The following MS4A3 variants were observed in gnomAD, a reference collection of about 807,000 sequenced individuals.
The protein encoded by MS4A3 is membrane-spanning 4-domains subfamily A member 3.
MS4A3 carries 18 observed loss-of-function variants against 24.7 expected under a neutral mutation model. The ratio of observed to expected loss-of-function variants is 0.73; its 90% CI spans 0.50 to 1.08. The LOEUF (loss-of-function observed/expected upper bound fraction) is 1.08, where lower values mean the gene tolerates loss of function less well. Ranked by LOEUF, MS4A3 falls within the 50% of genes least tolerant of loss-of-function variation. The pLI, the probability that MS4A3 is intolerant of heterozygous loss-of-function variation, is 0.00. For missense variants in MS4A3, 282 were observed against 251.7 expected (o/e 1.12, Z -0.82); for synonymous variants, 84 against 95.3 (o/e 0.88, Z 0.69).
Position 60,064,284 on chromosome 11 carries a change from C to A in MS4A3, c.317C>A (p.Ser106Tyr). The A allele has an allele frequency of 6.2e-7, 1 of 1,604,060 alleles. No homozygotes were observed. Among genetic ancestry groups the A allele is most frequent in the Admixed American group, 1.7e-5 (1 of 58,446 alleles). ...CAGTTCTGTAGTTCAGGAACCTTGT[C>A]TGTTGTAGCAGGGATAAAACCCACA... ...AVFFCSSGTLSVVAGIKPTRT... is the reference protein window; with the variant it reads ...AVFFCSSGTLYVVAGIKPTRT... The change falls in exon 4 of 7, where the codon TCT becomes TAT. Residue 106 changes from serine to tyrosine, a missense_variant. Ser to Tyr is a moderately radical substitution (Grantham distance 144). Transcript: ENST00000278865.
chr11:60,059,889 T>C (rs955312826), intron 1 of MS4A3, among the ~76,000 whole-genome samples: 2 of 152,198 alleles, frequency 1.3e-5, no homozygotes, highest in Admixed American at 6.5e-5. Flanking sequence ...TAAGATCTTA[T>C]TCTTAACCCA....
chr11:60,061,271 A>G lies in MS4A3; in HGVS notation c.111A>G (p.Ile37Met), dbSNP rs763792305. 2 of 1,613,578 alleles carry G rather than the reference A, an allele frequency of 1.2e-6. No individual in the cohort carries two copies. Among genetic ancestry groups the G allele is most frequent in the Admixed American group, 3.3e-5 (2 of 59,874 alleles). ...EELNTSVYQP[I>M]DGSPDYQKAK... ...TGAATACTTCTGTCTACCAGCCCAT[A>G]GATGGATCACCAGATTATCAGAAAG... The change falls in exon 2 of 7, where the codon ATA becomes ATG. Residue 37 changes from isoleucine to methionine, a missense_variant. Coordinates refer to ENST00000278865, the MANE Select transcript of MS4A3 (RefSeq NM_006138.5).
At chr11:60,067,134 A>G (rs755764433) in intron 5 of MS4A3, 22 bp downstream of exon 5, 7 of 1,562,644 alleles carry the variant, frequency 4.5e-6, no homozygotes, top group Admixed American at 3.8e-5. Context: ...AAAAATATGT[A>G]TAAGTATAAA....
chr11:60,061,147 C>T lies in MS4A3; in HGVS notation c.-14C>T, dbSNP rs376132928. 8.3e-6 allele frequency: 13 copies of T among 1,560,690 alleles called. No homozygotes were observed. Among genetic ancestry groups the T allele is most frequent in the Non-Finnish European group, 1.1e-5 (13 of 1,159,026 alleles). On this transcript the variant is annotated splice_region_variant and 5_prime_UTR_variant, in exon 2 of 7. Coordinates refer to ENST00000278865, the MANE Select transcript of MS4A3 (RefSeq NM_006138.5). The stretch of plus-strand genomic sequence containing the variant: ...CTTTGGATTTCTTTTCTATCACAGC[C>T]ATAAACAACCCCAATGGCCTCCCAC...
At chr11:60,057,416 TGAGA>T (rs967082554) in intron 1 of MS4A3, among the ~76,000 whole-genome samples, 1 of 129,564 alleles carries the variant, frequency 7.7e-6, no homozygotes, top group Middle Eastern at 4.1e-3. Flanking sequence ...TGTGTGTGTG[TGAGA>T]GAGAGACAGA....
At chr11:60,063,031 C>G (rs572013797) in intron 3 of MS4A3, among the ~76,000 whole-genome samples, 10 of 152,192 alleles carry the variant, frequency 6.6e-5, no homozygotes, top group Non-Finnish European at 1.5e-4. Flanking sequence ...CTCCTGACCA[C>G]AAGTGGTCCT....
At position 60,062,493 on chromosome 11, in the gene MS4A3, T is replaced by A. The variant is rs376514815; in HGVS notation, c.182T>A (p.Met61Lys). Residue 61 changes from methionine to lysine, a missense_variant, in exon 3 of 7, where the codon ATG becomes AAG. Coordinates refer to ENST00000278865, the MANE Select transcript of MS4A3 (RefSeq NM_006138.5). ...GCCATCCAGATCCTGAATGCAGCAA[T>A]GATTCTGGCTTTGGGTGTCTTTCTG... The part of the protein sequence containing the change: ...LGAIQILNAA[M>K]ILALGVFLGS... 96 of 1,614,034 alleles carry A rather than the reference T, an allele frequency of 5.9e-5. No homozygotes were observed. The highest frequency in any genetic ancestry group is 7.8e-5 in the Non-Finnish European group (92 of 1,180,004).
chr11:60,067,171 G>A, intron 5 of MS4A3, 59 bp downstream of exon 5: 12 of 1,101,398 alleles, frequency 1.1e-5, no homozygotes, highest in East Asian at 9.7e-5. Flanking sequence ...AGGATGTACA[G>A]AAAAATAATA....
chr11:60,058,480 C>A (rs1310014946), intron 1 of MS4A3, among the ~76,000 whole-genome samples: 8 of 110,448 alleles, frequency 7.2e-5, no homozygotes. Flanking sequence ...GCACTCCAGC[C>A]TGGGAGACAG....
chr11:60,062,821 C>T (rs1294663825), intron 3 of MS4A3, among the ~76,000 whole-genome samples: 1 of 152,044 alleles, frequency 6.6e-6, no homozygotes, highest in Admixed American at 6.6e-5. Flanking sequence ...GACAAAGTCT[C>T]GATCTGCCAT....
At chr11:60,056,916 A>G (rs1367795725) in intron 1 of MS4A3, among the ~76,000 whole-genome samples, 176 bp downstream of exon 1, 1 of 152,210 alleles carries the variant, frequency 6.6e-6, no homozygotes, top group Non-Finnish European at 1.5e-5. Context: ...CTTTGGAGCC[A>G]TGATAAAAAG....
rs956550452 is a variant in MS4A3 at position 60,062,335 on chromosome 11, C to A, written c.157-133C>A. 9 of 1,068,230 alleles carry A rather than the reference C, an allele frequency of 8.4e-6. No individual in the cohort carries two copies. In the African/African-American group the frequency reaches 1.3e-4, roughly 15 times the overall value. The allele number at this position is 1,068,230 out of a possible 1,614,324, so 66.2% of individuals were successfully genotyped here. On this transcript the variant is annotated intron_variant, in intron 2 of 6. Transcript: ENST00000278865. ...AAACTCTTTCAGATAAGCTCTCGTTCTGTTAATTTAGGCTTGACACTTTAA... is the reference window on the plus strand; with the variant it reads ...AAACTCTTTCAGATAAGCTCTCGTTATGTTAATTTAGGCTTGACACTTTAA...
Position 60,070,267 on chromosome 11 carries a change from T to C in MS4A3, c.*34T>C. On this transcript the variant is annotated 3_prime_UTR_variant, in exon 7 of 7. Coordinates refer to ENST00000278865, the MANE Select transcript of MS4A3 (RefSeq NM_006138.5). ...ACCTCCTTAATTCTGAGAGCATGAATATTTGACCTTAAATCTCCAGTGACT... is the reference window on the plus strand; with the variant it reads ...ACCTCCTTAATTCTGAGAGCATGAACATTTGACCTTAAATCTCCAGTGACT... 1 of 1,501,882 alleles carries C rather than the reference T, an allele frequency of 6.7e-7. No homozygotes were observed. The highest frequency in any genetic ancestry group is 9.2e-7 in the Non-Finnish European group (1 of 1,085,350). The allele number at this position is 1,501,882 out of a possible 1,614,324, so 93.0% of individuals were successfully genotyped here. A position where few individuals can be genotyped will look rare whatever the true frequency, so the allele number is the denominator to read the frequency against.
chr11:60,066,985 C>T lies in MS4A3; in HGVS notation c.386C>T (p.Ala129Val). 6.2e-7 allele frequency: 1 copy of T among 1,608,278 alleles called. No individual in the cohort carries two copies. Among genetic ancestry groups the T allele is most frequent in the Non-Finnish European group, 8.5e-7 (1 of 1,178,814 alleles). Reference sequence around the variant, plus strand: ...AGTTTTGGAATGAACATTGCCAGTGCTACAATTGCACTAGTGGGGACTGCT... The same window carrying T: ...AGTTTTGGAATGAACATTGCCAGTGTTACAATTGCACTAGTGGGGACTGCT... ...QNSFGMNIAS[A>V]TIALVGTAFL... Residue 129 changes from alanine (A) to valine (V), a missense_variant, in exon 5 of 7, where the codon GCT becomes GTT. Transcript: ENST00000278865.
Position 60,062,616 on chromosome 11 carries a change from G to A in MS4A3, c.294+11G>A, listed in dbSNP as rs1211113482. 18 of 1,613,772 alleles carry A rather than the reference G, an allele frequency of 1.1e-5. No homozygotes were observed. Among genetic ancestry groups the A allele is most frequent in the Middle Eastern group, 1.7e-4 (1 of 6,060 alleles). ...TGGGGTGCTGTGTTTGTGAGTATTCGTACTCCCCTGGCTATATGTTATTTC... is the reference window on the plus strand; with the variant it reads ...TGGGGTGCTGTGTTTGTGAGTATTCATACTCCCCTGGCTATATGTTATTTC... On this transcript the variant is annotated intron_variant, in intron 3 of 6. Transcript: ENST00000278865.
At chr11:60,066,885 G>A in intron 4 of MS4A3, 66 bp from the exon 5 acceptor site, 1 of 1,251,840 alleles carries the variant, frequency 8.0e-7, no homozygotes, top group Non-Finnish European at 1.1e-6. Context: ...TTGTTTCAAT[G>A]AATTGTTGCC....
In MS4A3 at chr11:60,061,154, A is replaced by C; in HGVS notation, c.-7A>C. The C allele has an allele frequency of 6.4e-7, 1 of 1,567,166 alleles. No individual in the cohort carries two copies. The highest frequency in any genetic ancestry group is 8.6e-7 in the Non-Finnish European group (1 of 1,162,248). On this transcript the variant is annotated 5_prime_UTR_variant, in exon 2 of 7. Coordinates refer to ENST00000278865, the MANE Select transcript of MS4A3 (RefSeq NM_006138.5). ...TTTCTTTTCTATCACAGCCATAAAC[A>C]ACCCCAATGGCCTCCCACGAAGTTG...
chr11:60,067,539 G>C (rs186710200), intron 5 of MS4A3, among the ~76,000 whole-genome samples: 1 of 151,986 alleles, frequency 6.6e-6, no homozygotes, highest in African/African-American at 2.4e-5. Flanking sequence ...TGGGTCTGTC[G>C]CCTATTTGCT....
At chr11:60,065,887 T>C (rs1477859877) in intron 4 of MS4A3, among the ~76,000 whole-genome samples, 2 of 151,878 alleles carry the variant, frequency 1.3e-5, no homozygotes, top group Non-Finnish European at 2.9e-5. Flanking sequence ...TATACGTACT[T>C]CTTCTGTGAT....
Sources: gnomAD v4.1 joint callset for allele counts (sites outside exome capture counted in the v4.1 genomes callset) on GRCh38, gnomAD v4.1.1 for gene constraint, MANE v1.5 for transcripts, NCBI Gene and HGNC (gene_info 2026-07-23, HGNC 2026-07-21) for gene names.